The following PRKCH variants were observed in gnomAD, a reference collection of about 807,000 sequenced individuals.
PRKCH encodes the protein protein kinase C eta type.
A neutral mutation model predicts 82.5 loss-of-function variants in PRKCH; 28 were observed. The ratio of observed to expected loss-of-function variants is 0.34; its 90% CI spans 0.25 to 0.47. The LOEUF (loss-of-function observed/expected upper bound fraction) is 0.47. Ranked by LOEUF, PRKCH falls within the 20% of genes least tolerant of loss-of-function variation. PRKCH has a pLI of 1.00. For synonymous variants in PRKCH, 322 were observed against 327.4 expected, an observed-to-expected ratio of 0.98 and a Z score of 0.18; for missense variants, 705 against 881.8, an observed-to-expected ratio of 0.80 and a Z score of 2.54.
intron 1 of PRKCH, among the ~76,000 whole-genome samples, chr14:61,311,550 T>TCTG (rs2045523891): frequency 6.6e-6 from 1 of 152,226 alleles, no homozygotes; most frequent in Non-Finnish European, 1.5e-5. Context: ...TGTTCCAACG[T>TCTG]CTGCGTGTTA....
At chr14:61,508,707 G>A (rs1053057687) in intron 10 of PRKCH, among the ~76,000 whole-genome samples, 2 of 152,100 alleles carry the variant, frequency 1.3e-5, no homozygotes, top group Admixed American at 1.3e-4. Flanking sequence ...CAGATAAGAG[G>A]AGTGGGTTTG....
chr14:61,547,981 G>A, intron 13 of PRKCH, 95 bp downstream of exon 13: 2 of 1,502,054 alleles, frequency 1.3e-6, no homozygotes, highest in Non-Finnish European at 1.8e-6. Flanking sequence ...CCCTGTGGGT[G>A]ACAGACCAGA....
intron 10 of PRKCH, among the ~76,000 whole-genome samples, chr14:61,511,874 G>A (rs988260714): frequency 6.6e-6 from 1 of 152,172 alleles, no homozygotes; most frequent in African/African-American, 2.4e-5. Flanking sequence ...CTCTGTGGGT[G>A]GATAGAACAT....
chr14:61,323,626 C>G (rs971999933), intron 1 of PRKCH, among the ~76,000 whole-genome samples: 2 of 152,104 alleles, frequency 1.3e-5, no homozygotes, highest in African/African-American at 4.8e-5. Flanking sequence ...CGTATATTTT[C>G]TAAAATTAAA....
intron 10 of PRKCH, among the ~76,000 whole-genome samples, chr14:61,496,285 C>T (rs987253067): frequency 6.6e-6 from 1 of 152,160 alleles, no homozygotes; most frequent in African/African-American, 2.4e-5. Flanking sequence ...ATTTTGCAGA[C>T]AAAGGTCAGT....
intron 10 of PRKCH, chr14:61,525,655 C>T (rs1169397908): frequency 1.3e-5 from 2 of 152,222 alleles, no homozygotes; most frequent in Admixed American, 1.3e-4. Context: ...GGACATTAGT[C>T]ACAAGCTCTT....
intron 1 of PRKCH, among the ~76,000 whole-genome samples, chr14:61,355,800 C>A (rs1443877361): frequency 1.3e-5 from 2 of 152,118 alleles, no homozygotes; most frequent in African/African-American, 2.4e-5. Flanking sequence ...TTGCCACTTA[C>A]ACATTCTAGC....
Position 61,457,676 on chromosome 14 carries a change from C to A in PRKCH, c.1275C>A (p.Thr425=). ...FLTQLFCCFQ[T]PDRLFFVMEF... ...CTCAGTTGTTCTGCTGCTTTCAGAC[C>A]CCCGTAAGTATGAATCACATTCACT... Residue 425 remains threonine (T), a synonymous_variant, in exon 9 of 14, where the codon ACC becomes ACA. Transcript: ENST00000332981. 6.2e-7 allele frequency: 1 copy of A among 1,613,894 alleles called. No homozygotes were observed. Among genetic ancestry groups the A allele is most frequent in the Non-Finnish European group, 8.5e-7 (1 of 1,179,862 alleles).
chr14:61,326,618 C>G (rs1460510464), intron 1 of PRKCH, among the ~76,000 whole-genome samples: 2 of 152,206 alleles, frequency 1.3e-5, no homozygotes, highest in Non-Finnish European at 2.9e-5. Context: ...GGGAAAAAAA[C>G]CAATCAGCGC....
intron 10 of PRKCH, among the ~76,000 whole-genome samples, chr14:61,510,006 A>C (rs904209477): frequency 1.3e-5 from 2 of 152,144 alleles, no homozygotes; most frequent in Admixed American, 6.5e-5. Context: ...CTGATATGCA[A>C]GTTTTCCATT....
At chr14:61,315,677 C>T (rs1054128290) in intron 1 of PRKCH, among the ~76,000 whole-genome samples, 4 of 151,596 alleles carry the variant, frequency 2.6e-5, no homozygotes, top group Non-Finnish European at 5.9e-5. Flanking sequence ...TTTTCTTTAT[C>T]CTTTTGTATA....
chr14:61,213,572 G>A (rs1319923073), intron 1 of PRKCH, among the ~76,000 whole-genome samples: 1 of 152,192 alleles, frequency 6.6e-6, no homozygotes, highest in Non-Finnish European at 1.5e-5. Context: ...ACGTGGTGAT[G>A]CGTTTAATGT....
chr14:61,433,365 G>C (rs2140263465), intron 2 of PRKCH, among the ~76,000 whole-genome samples: 1 of 151,972 alleles, frequency 6.6e-6, no homozygotes, highest in South Asian at 2.1e-4. Flanking sequence ...CAGTGGATAA[G>C]AGAGAAAAAA....
intron 1 of PRKCH, among the ~76,000 whole-genome samples, chr14:61,283,223 AG>A (rs2045287184): frequency 6.6e-6 from 1 of 152,250 alleles, no homozygotes; most frequent in Non-Finnish European, 1.5e-5. Flanking sequence ...CACCCCTAAA[AG>A]GGCAAGCCCC....
chr14:61,302,387 G>A (rs1247820826), intron 1 of PRKCH, among the ~76,000 whole-genome samples: 1 of 152,186 alleles, frequency 6.6e-6, no homozygotes, highest in Non-Finnish European at 1.5e-5. Flanking sequence ...CGGGTTGGGG[G>A]AAAGTGTGGG....
chr14:61,363,696 GTAGT>G (rs1206082168), intron 1 of PRKCH, among the ~76,000 whole-genome samples: 1 of 152,098 alleles, frequency 6.6e-6, no homozygotes, highest in Non-Finnish European at 1.5e-5. Flanking sequence ...CCTAGAGGTG[GTAGT>G]TAGAGCCATG....
chr14:61,241,269 C>G (rs1029196960), intron 1 of PRKCH, among the ~76,000 whole-genome samples: 1 of 152,174 alleles, frequency 6.6e-6, no homozygotes, highest in Non-Finnish European at 1.5e-5. Flanking sequence ...GGGTGCACCA[C>G]CTTCCAGGAC....
chr14:61,249,577 G>T (rs1314344816), intron 1 of PRKCH, among the ~76,000 whole-genome samples: 1 of 150,206 alleles, frequency 6.7e-6, no homozygotes, highest in South Asian at 2.1e-4. Context: ...ATGATAAACA[G>T]GTATAGAGAT....
At chr14:61,416,230 A>AT (rs1257242825) in intron 2 of PRKCH, among the ~76,000 whole-genome samples, 2 of 150,692 alleles carry the variant, frequency 1.3e-5, no homozygotes, top group African/African-American at 2.4e-5. Flanking sequence ...TAATTTTTGT[A>AT]TTTTTTGTAG....
Sources: gnomAD v4.1 joint callset for allele counts (sites outside exome capture counted in the v4.1 genomes callset) on GRCh38, gnomAD v4.1.1 for gene constraint, MANE v1.5 for transcripts, NCBI Gene and HGNC (gene_info 2026-07-23, HGNC 2026-07-21) for gene names.